NXN: variants seen among roughly 807,000 people sequenced by gnomAD.
The protein encoded by NXN is nucleoredoxin 1.
A neutral mutation model predicts 48.6 loss-of-function variants in NXN; 16 were observed. That is an observed-to-expected ratio of 0.33 (90% CI 0.22 to 0.50). The LOEUF (loss-of-function observed/expected upper bound fraction) is 0.50, where lower values mean the gene tolerates loss of function less well. Ranked by LOEUF, NXN falls within the 20% of genes least tolerant of loss-of-function variation. NXN has a pLI of 0.98. For missense variants in NXN, 492 were observed against 605.5 expected (o/e 0.81, Z 1.97); for synonymous variants, 281 against 269.6 (o/e 1.04, Z -0.41).
At chr17:840,637 C>T (rs1460063715) in intron 1 of NXN, among the ~76,000 whole-genome samples, 1 of 151,196 alleles carries the variant, frequency 6.6e-6, no homozygotes, top group Non-Finnish European at 1.5e-5. Context: ...CCGCGCCCGG[C>T]CGGCGTGCAG....
At chr17:959,231 A>G in intron 1 of NXN, 1 of 984,962 alleles carries the variant, frequency 1.0e-6, no homozygotes, top group East Asian at 3.3e-5. Context: ...GCCTGCAGAT[A>G]CCCCAGCTCC....
intron 4 of NXN, among the ~76,000 whole-genome samples, chr17:820,455 CAA>C (rs35298882): frequency 6.7e-6 from 1 of 149,264 alleles, no homozygotes; most frequent in Non-Finnish European, 1.5e-5. Flanking sequence ...ACTAAAAATA[CAA>C]AAAAATTAGC....
chr17:832,891 C>A (rs188963998), intron 1 of NXN, among the ~76,000 whole-genome samples: 1 of 151,936 alleles, frequency 6.6e-6, no homozygotes, highest in East Asian at 1.9e-4. Context: ...TCACATCTGA[C>A]GCTTTTTATT....
intron 1 of NXN, among the ~76,000 whole-genome samples, chr17:906,408 C>T (rs1323598166): frequency 6.6e-6 from 1 of 152,054 alleles, no homozygotes; most frequent in Non-Finnish European, 1.5e-5. Flanking sequence ...TGCCCGTTTC[C>T]TACTTAAACA....
chr17:839,682 G>T (rs1428588978), intron 1 of NXN, among the ~76,000 whole-genome samples: 1 of 150,940 alleles, frequency 6.6e-6, no homozygotes, highest in African/African-American at 2.4e-5. Context: ...CACATCTGTA[G>T]TCCCAGCTAC....
chr17:843,034 AAG>A (rs1914450509), intron 1 of NXN, among the ~76,000 whole-genome samples: 1 of 144,386 alleles, frequency 6.9e-6, no homozygotes, highest in African/African-American at 2.8e-5. Context: ...GAAAGAAAGA[AAG>A]AAAGAAAGAA....
chr17:912,240 A>AT (rs776123262), intron 1 of NXN, among the ~76,000 whole-genome samples: 2 of 152,076 alleles, frequency 1.3e-5, no homozygotes, highest in Non-Finnish European at 2.9e-5. Context: ...ACCCGGCCAA[A>AT]TACTCTATTT....
chr17:890,138 G>A (rs1013017148), intron 1 of NXN, among the ~76,000 whole-genome samples: 4 of 151,708 alleles, frequency 2.6e-5, no homozygotes, highest in Admixed American at 6.6e-5. Flanking sequence ...GGACCTACTC[G>A]TTATGAAATA....
intron 1 of NXN, among the ~76,000 whole-genome samples, chr17:968,304 G>A (rs1043568801): frequency 2.6e-5 from 4 of 152,198 alleles, no homozygotes; most frequent in African/African-American, 9.7e-5. Flanking sequence ...GCACAGACCA[G>A]TATCTCCCCC....
At chr17:833,916 C>T (rs1913638219) in intron 1 of NXN, among the ~76,000 whole-genome samples, 1 of 152,202 alleles carries the variant, frequency 6.6e-6, no homozygotes, top group Non-Finnish European at 1.5e-5. Flanking sequence ...CTCACTCTCC[C>T]CGCTCTCCCA....
At chr17:893,648 A>AC (rs1555619467) in intron 1 of NXN, among the ~76,000 whole-genome samples, 1 of 74,286 alleles carries the variant, frequency 1.3e-5, no homozygotes, top group African/African-American at 5.9e-5. Context: ...AAGCATCTCA[A>AC]CCCCTGGAAG....
intron 1 of NXN, among the ~76,000 whole-genome samples, chr17:910,335 C>G (rs1225677383): frequency 6.6e-6 from 1 of 151,904 alleles, no homozygotes; most frequent in Non-Finnish European, 1.5e-5. Flanking sequence ...TCACTTGAAC[C>G]CGGGAGGCGG....
intron 1 of NXN, chr17:878,211 C>G (rs76199454): frequency 0.01 from 1,549 of 151,580 alleles, 26 homozygotes; most frequent in East Asian, 0.061. Context: ...ACAACCTCAT[C>G]GGAGAGAGAA....
rs571255065 is a variant in NXN, at chr17:902,425, G to T, written c.361-76347C>A. On this transcript the variant is annotated intron_variant, in intron 1 of 7. Transcript: ENST00000336868. ...AGGTCCTCGGGACATCTACATCGAGGCAGAAACAGATTTACTAGGGAGAAG... is the reference window on the plus strand; with the variant it reads ...AGGTCCTCGGGACATCTACATCGAGTCAGAAACAGATTTACTAGGGAGAAG... 3.3e-5 allele frequency among the ~76,000 whole-genome samples: 5 copies of T among 152,250 alleles called. No homozygotes were observed. In the East Asian group the frequency reaches 9.7e-4, roughly 29 times the overall value.
rs768728134 is a variant in NXN at position 889,743 on chromosome 17, G to GAA, written c.361-63667_361-63666dup. On this transcript the variant is annotated intron_variant, in intron 1 of 7. Coordinates refer to ENST00000336868, the MANE Select transcript of NXN (RefSeq NM_022463.5). ...AGAAAGAAAGAAAGAAAGAAAGAAAGAAAGAAAGAAAGAAAGAAAAAGAAA... is the reference window on the plus strand; with the variant it reads ...AGAAAGAAAGAAAGAAAGAAAGAAAGAAAAAGAAAGAAAGAAAGAAAAAGAAA... 1.6e-4 allele frequency among the ~76,000 whole-genome samples: 16 copies of GAA among 100,190 alleles called. 1 individual carries two copies. Among genetic ancestry groups the GAA allele is most frequent in the African/African-American group, 5.6e-4 (13 of 23,078 alleles). The allele number at this position is 100,190 out of a possible 152,430, so 65.7% of individuals were successfully genotyped here.
chr17:842,943 AAAAGAAAGG>A (rs1168285857), intron 1 of NXN, among the ~76,000 whole-genome samples: 1 of 151,104 alleles, frequency 6.6e-6, no homozygotes, highest in Non-Finnish European at 1.5e-5. Context: ...CCGTCTCAAA[AAAAGAAAGG>A]AAAGAAAGAA....
At chr17:869,426 G>A (rs147907423) in intron 1 of NXN, among the ~76,000 whole-genome samples, 5 of 152,056 alleles carry the variant, frequency 3.3e-5, no homozygotes, top group Non-Finnish European at 7.3e-5. Context: ...TCTCTGCTCC[G>A]ACCAACAGGG....
intron 1 of NXN, among the ~76,000 whole-genome samples, chr17:877,144 G>GCGA (rs1163079765): frequency 6.6e-6 from 1 of 151,920 alleles, no homozygotes; most frequent in Non-Finnish European, 1.5e-5. Context: ...TATGGGAACA[G>GCGA]CGACGGTGTT....
At chr17:961,995 C>T (rs1311117186) in intron 1 of NXN, among the ~76,000 whole-genome samples, 6 of 151,636 alleles carry the variant, frequency 4.0e-5, no homozygotes, top group Non-Finnish European at 8.8e-5. Flanking sequence ...ATTAGCCAGG[C>T]GTGGTGGCGC....
Sources: gnomAD v4.1 joint callset for allele counts (sites outside exome capture counted in the v4.1 genomes callset) on GRCh38, gnomAD v4.1.1 for gene constraint, MANE v1.5 for transcripts, NCBI Gene and HGNC (gene_info 2026-07-23, HGNC 2026-07-21) for gene names.